Variants in ADARB1 observed in about 807,000 individuals in gnomAD.
The protein encoded by ADARB1 is adenosine deaminase RNA specific B1.
Under a neutral mutation model 52.4 loss-of-function variants are expected in ADARB1, and 10 were observed. The observed-to-expected ratio is 0.19, with a 90% CI of 0.12 to 0.32. The LOEUF is 0.32. Among genes scored for constraint, ADARB1 ranks in the 10% least tolerant of loss-of-function variants. The pLI is 1.00. For missense variants in ADARB1, 643 were observed against 922.3 expected, an observed-to-expected ratio of 0.70 and a Z score of 3.92; for synonymous variants, 349 against 371.1, an observed-to-expected ratio of 0.94 and a Z score of 0.68.
intron 2 of ADARB1, among the ~76,000 whole-genome samples, chr21:45,137,550 C>A (rs2089461957): frequency 6.6e-6 from 1 of 152,210 alleles, no homozygotes; most frequent in East Asian, 1.9e-4. Flanking sequence ...GCCCATCAAT[C>A]CGATTTAAAA....
intron 2 of ADARB1, among the ~76,000 whole-genome samples, chr21:45,169,567 A>G (rs778332607): frequency 1.1e-4 from 17 of 152,080 alleles, no homozygotes; most frequent in Non-Finnish European, 1.8e-4. Context: ...CTTTCTCTAC[A>G]TCTCTCAGTC....
chr21:45,171,078 C>A (rs532312099), intron 2 of ADARB1, among the ~76,000 whole-genome samples: 1 of 152,272 alleles, frequency 6.6e-6, no homozygotes, highest in African/African-American at 2.4e-5. Context: ...CAGCTGGAAG[C>A]CAAAAGTCTA....
chr21:45,102,929 G>A (rs1359209265), intron 1 of ADARB1, among the ~76,000 whole-genome samples: 1 of 152,182 alleles, frequency 6.6e-6, no homozygotes, highest in African/African-American at 2.4e-5. Flanking sequence ...CCCAGCAGGG[G>A]CCAGGTCAGC....
chr21:45,224,378 G>C lies in ADARB1; in HGVS notation c.*2181G>C. The C allele has an allele frequency of 1.0e-6, 1 of 985,524 alleles. No individual in the cohort carries two copies. The highest frequency in any genetic ancestry group is 4.7e-5 in the South Asian group (1 of 21,282). The allele number at this position is 985,524 out of a possible 1,614,324, so 61.0% of individuals were successfully genotyped here. ...GAGCAGCTACCTTGAGACCATGTGA[G>C]GTGGCACCTTTCCGGGGTGGACTCG... On this transcript the variant is annotated 3_prime_UTR_variant, in exon 11 of 11. Transcript: ENST00000348831.
intron 1 of ADARB1, among the ~76,000 whole-genome samples, chr21:45,082,412 G>A (rs1244039614): frequency 6.6e-6 from 1 of 152,156 alleles, no homozygotes; most frequent in Non-Finnish European, 1.5e-5. Flanking sequence ...ACTGTTGTAA[G>A]CCAGCGTCTG....
intron 8 of ADARB1, among the ~76,000 whole-genome samples, chr21:45,202,730 T>G (rs1457975129): frequency 6.6e-6 from 1 of 152,138 alleles, no homozygotes; most frequent in Non-Finnish European, 1.5e-5. Flanking sequence ...CTGCAGCGTG[T>G]GCTGAGCATC....
At chr21:45,098,331 C>G (rs954886846) in intron 1 of ADARB1, among the ~76,000 whole-genome samples, 18 of 152,198 alleles carry the variant, frequency 1.2e-4, no homozygotes, top group Admixed American at 1.0e-3. Flanking sequence ...CTCCCTTGGA[C>G]CACTCTCCCC....
chr21:45,154,309 T>C (rs988117814), intron 2 of ADARB1, among the ~76,000 whole-genome samples: 1 of 152,246 alleles, frequency 6.6e-6, no homozygotes, highest in Non-Finnish European at 1.5e-5. Context: ...AACAGTATCA[T>C]GTTATGTGTT....
chr21:45,108,960 C>T (rs2087383548), intron 1 of ADARB1, among the ~76,000 whole-genome samples: 1 of 152,188 alleles, frequency 6.6e-6, no homozygotes, highest in African/African-American at 2.4e-5. Context: ...TGCAAACACA[C>T]CTGAAGGAGG....
chr21:45,148,676 T>C (rs2090130208), intron 2 of ADARB1, among the ~76,000 whole-genome samples: 3 of 152,172 alleles, frequency 2.0e-5, no homozygotes, highest in Admixed American at 1.3e-4. Context: ...AGAGCAGAGC[T>C]GAAATCCTGG....
chr21:45,146,713 A>C (rs1422998445), intron 2 of ADARB1, among the ~76,000 whole-genome samples: 2 of 152,240 alleles, frequency 1.3e-5, no homozygotes, highest in Admixed American at 1.3e-4. Flanking sequence ...AGGCAGCAAC[A>C]GTCCTTGTTT....
chr21:45,218,164 A>G (rs921972918), intron 9 of ADARB1, among the ~76,000 whole-genome samples: 1 of 151,826 alleles, frequency 6.6e-6, no homozygotes, highest in Non-Finnish European at 1.5e-5. Context: ...CTCTCTCCTC[A>G]CCGTCATGAA....
Position 45,142,015 on chromosome 21 carries a change from G to C in ADARB1, c.-48+13442G>C, listed in dbSNP as rs1374948838. ...TCATGGTCAGCTTAGCTGTTTGTGG[G>C]TCACTTAGCCACCCCTGGGCCACTG... On this transcript the variant is annotated intron_variant, in intron 2 of 10. Coordinates refer to ENST00000348831, the MANE Select transcript of ADARB1 (RefSeq NM_001112.4). This position sits in a 1 kb window ranked among gnomAD's most constrained non-coding sequence, Gnocchi z 4.0. Among the ~76,000 whole-genome samples, 1 of 149,238 alleles carries C rather than the reference G, an allele frequency of 6.7e-6. No individual in the cohort carries two copies. The highest frequency in any genetic ancestry group is 2.5e-5 in the African/African-American group (1 of 40,334).
At position 45,176,847 on chromosome 21, in the gene ADARB1, GT is replaced by G. The variant is rs1459698959; in HGVS notation, c.963+184del. 1.3e-5 allele frequency among the ~76,000 whole-genome samples: 2 copies of G among 152,146 alleles called. No individual in the cohort carries two copies. Among genetic ancestry groups the G allele is most frequent in the African/African-American group, 4.8e-5 (2 of 41,414 alleles). ...ATGGCCATGTGGCCACTGAGAAGCC[GT>G]CTGCATCCTAGTGCATGCTGGGTCT... On this transcript the variant is annotated intron_variant, in intron 4 of 10. Coordinates refer to ENST00000348831, the MANE Select transcript of ADARB1 (RefSeq NM_001112.4). This position sits in a 1 kb window ranked among gnomAD's most constrained non-coding sequence, Gnocchi z 5.8.
intron 1 of ADARB1, among the ~76,000 whole-genome samples, chr21:45,117,195 T>C (rs925226975): frequency 2.0e-5 from 3 of 152,342 alleles, no homozygotes; most frequent in Admixed American, 2.0e-4. Flanking sequence ...CAGATGCTCT[T>C]CCCAGCCTCC....
intron 2 of ADARB1, among the ~76,000 whole-genome samples, chr21:45,163,032 G>T (rs1225531483): frequency 6.6e-6 from 1 of 152,182 alleles, no homozygotes; most frequent in African/African-American, 2.4e-5. Flanking sequence ...TCGTTTTGCA[G>T]ACGGCAGGCT....
intron 2 of ADARB1, among the ~76,000 whole-genome samples, chr21:45,147,824 CCT>C (rs1459432539): frequency 6.6e-6 from 1 of 152,186 alleles, no homozygotes; most frequent in Non-Finnish European, 1.5e-5. Context: ...GCCCCCGGCA[CCT>C]CTCTCTGTTT....
intron 1 of ADARB1, among the ~76,000 whole-genome samples, chr21:45,095,727 G>C (rs1214554864): frequency 6.6e-6 from 1 of 152,172 alleles, no homozygotes; most frequent in Non-Finnish European, 1.5e-5. Flanking sequence ...AAGCGATAAG[G>C]AGTTCAGGAA....
chr21:45,223,619 T>C lies in ADARB1; in HGVS notation c.*1422T>C. On this transcript the variant is annotated 3_prime_UTR_variant, in exon 11 of 11. Coordinates refer to ENST00000348831, the MANE Select transcript of ADARB1 (RefSeq NM_001112.4). ...CATGGGGAGAGATTGGTGCAGACCT[T>C]ACCCCACAGCATACACCTGCCACAG... 18 of 985,660 alleles carry C rather than the reference T, an allele frequency of 1.8e-5. No homozygotes were observed. The highest frequency in any genetic ancestry group is 2.2e-5 in the Non-Finnish European group (18 of 830,184). 61.1% of individuals were successfully genotyped at this position (985,660 alleles called of 1,614,324 possible).
Sources: gnomAD v4.1 joint callset for allele counts (sites outside exome capture counted in the v4.1 genomes callset) on GRCh38, gnomAD v4.1.1 for gene constraint, Gnocchi (gnomAD v3.1) non-coding constraint, MANE v1.5 for transcripts, NCBI Gene and HGNC (gene_info 2026-07-23, HGNC 2026-07-21) for gene names.